C9: variants seen among roughly 807,000 people sequenced by gnomAD.
C9 encodes complement component C9.
A neutral mutation model predicts 65.4 loss-of-function variants in C9; 63 were observed. The ratio of observed to expected loss-of-function variants is 0.96; its 90% CI spans 0.79 to 1.19. The LOEUF (loss-of-function observed/expected upper bound fraction) is 1.19, where lower values mean the gene tolerates loss of function less well. C9 is among the 50% of genes most tolerant of loss of function. The pLI is 0.00. For synonymous variants in C9, 229 were observed against 227.9 expected (o/e 1.00, Z -0.04); for missense variants, 744 against 670.1 (o/e 1.11, Z -1.22).
chr5:39,341,935 C>A (rs761154810), intron 2 of C9, among the ~76,000 whole-genome samples, 156 bp downstream of exon 2: 2 of 152,274 alleles, frequency 1.3e-5, no homozygotes, highest in African/African-American at 2.4e-5. Context: ...TAAAGATTTC[C>A]TGGAAAAGTT....
intron 1 of C9, among the ~76,000 whole-genome samples, chr5:39,348,251 A>C (rs1268559778): frequency 6.6e-6 from 1 of 152,188 alleles, no homozygotes; most frequent in Non-Finnish European, 1.5e-5. Flanking sequence ...GAATGGGAGA[A>C]AATTTTTGCA....
At chr5:39,303,775 G>A (rs1331569497) in intron 9 of C9, among the ~76,000 whole-genome samples, 2 of 151,904 alleles carry the variant, frequency 1.3e-5, no homozygotes, top group Non-Finnish European at 1.5e-5. Flanking sequence ...GCTTTCTCTG[G>A]TTCTGCTTGT....
intron 1 of C9, among the ~76,000 whole-genome samples, chr5:39,356,555 AT>A (rs1252438838): frequency 2.0e-5 from 3 of 152,266 alleles, no homozygotes; most frequent in African/African-American, 7.2e-5. Flanking sequence ...ATGATGTCAA[AT>A]TAGGCAAAAA....
chr5:39,300,558 T>TA (rs1291179469), intron 9 of C9, among the ~76,000 whole-genome samples: 7 of 152,016 alleles, frequency 4.6e-5, no homozygotes, highest in African/African-American at 1.7e-4. Context: ...GAATGTGTGC[T>TA]ATGTGCATAC....
intron 10 of C9, among the ~76,000 whole-genome samples, chr5:39,285,882 A>T (rs1752983096): frequency 1.3e-5 from 2 of 151,916 alleles, no homozygotes; most frequent in South Asian, 4.1e-4. Flanking sequence ...AAGAAAGATG[A>T]TGTGTTACGG....
chr5:39,317,761 C>T (rs700205), intron 5 of C9, among the ~76,000 whole-genome samples: 2,776 of 152,118 alleles, frequency 0.018, 95 homozygotes, highest in African/African-American at 0.064. Context: ...TACTATAGTT[C>T]GAAGTCAGGC....
At chr5:39,295,846 A>G (rs1753176904) in intron 9 of C9, among the ~76,000 whole-genome samples, 1 of 151,828 alleles carries the variant, frequency 6.6e-6, no homozygotes, top group Non-Finnish European at 1.5e-5. Flanking sequence ...ACATAAGCAA[A>G]TGGAACAGAA....
intron 1 of C9, among the ~76,000 whole-genome samples, chr5:39,360,092 T>TCTATA (rs1754488073): frequency 6.6e-6 from 1 of 152,194 alleles, no homozygotes; most frequent in Non-Finnish European, 1.5e-5. Context: ...ACTTTTCTAT[T>TCTATA]AATGAATGTT....
chr5:39,348,786 G>C (rs541117652), intron 1 of C9, among the ~76,000 whole-genome samples: 1 of 152,252 alleles, frequency 6.6e-6, no homozygotes, highest in South Asian at 2.1e-4. Flanking sequence ...GTCCATCAAT[G>C]ATAGACTGGA....
intron 9 of C9, among the ~76,000 whole-genome samples, chr5:39,306,225 T>C (rs536083586): frequency 6.6e-6 from 1 of 150,398 alleles, no homozygotes; most frequent in African/African-American, 2.4e-5. Context: ...GACGTGATAG[T>C]GGAACACCAC....
intron 4 of C9, among the ~76,000 whole-genome samples, chr5:39,335,306 G>C (rs893401687): frequency 2.6e-5 from 4 of 152,168 alleles, no homozygotes; most frequent in Non-Finnish European, 5.9e-5. Context: ...TATTAAGACA[G>C]TTTATATTCA....
intron 3 of C9, 117 bp downstream of exon 3, chr5:39,341,439 T>C (rs1754080383): frequency 6.9e-7 from 1 of 1,439,474 alleles, no homozygotes; most frequent in Admixed American, 1.7e-5. Flanking sequence ...AGATGGCCTC[T>C]TTTGGGGCCT....
At chr5:39,359,102 G>GTGTGTGTGTGTATATATATATA (rs1407613505) in intron 1 of C9, among the ~76,000 whole-genome samples, 4 of 103,664 alleles carry the variant, frequency 3.9e-5, no homozygotes, top group South Asian at 6.2e-4. Context: ...GTGTGTGTGT[G>GTGTGTGTGTGTATATATATATA]TATATATATA....
chr5:39,308,371 T>A lies in C9; in HGVS notation c.1112-13A>T. 6.3e-7 allele frequency: 1 copy of A among 1,577,400 alleles called. No individual in the cohort carries two copies. Among genetic ancestry groups the A allele is most frequent in the Non-Finnish European group, 8.7e-7 (1 of 1,146,734 alleles). On this transcript the variant is annotated splice_polypyrimidine_tract_variant and intron_variant, in intron 7 of 10. Coordinates refer to ENST00000263408, the MANE Select transcript of C9 (RefSeq NM_001737.5). ...TTTAGTTCAACACCTGTTTAATGAA[T>A]TTATTTGAAAATTATTAGATAATGT...
At chr5:39,311,019 A>G in intron 7 of C9, 118 bp downstream of exon 7, 3 of 1,137,688 alleles carry the variant, frequency 2.6e-6, no homozygotes. Flanking sequence ...AGTCCTCTCA[A>G]AGGAGCAGGT....
At chr5:39,339,866 A>G (rs949508947) in intron 4 of C9, among the ~76,000 whole-genome samples, 3 of 151,720 alleles carry the variant, frequency 2.0e-5, no homozygotes, top group Admixed American at 6.6e-5. Context: ...TCACCGTGTT[A>G]GCCAGGATGG....
chr5:39,319,469 T>G (rs695990), intron 5 of C9, among the ~76,000 whole-genome samples: 2,813 of 152,008 alleles, frequency 0.019, 95 homozygotes, highest in African/African-American at 0.065. Flanking sequence ...AGCCCTAGAC[T>G]CAGGATTTTA....
At chr5:39,311,694 T>C (rs765762018) in intron 6 of C9, among the ~76,000 whole-genome samples, 50 of 152,166 alleles carry the variant, frequency 3.3e-4, no homozygotes, top group Non-Finnish European at 1.8e-4. Flanking sequence ...CATATTTACC[T>C]AATAAAAATT....
Position 39,326,815 on chromosome 5 carries a change from G to C in C9, c.615+4861C>G, listed in dbSNP as rs150759286. The stretch of plus-strand genomic sequence containing the variant: ...GCTTAAGTTGTCAGTAGAAAGAATA[G>C]TTGGAATGTGTATTAAGCCTCTGCT... On this transcript the variant is annotated intron_variant, in intron 5 of 10. Coordinates refer to ENST00000263408, the MANE Select transcript of C9 (RefSeq NM_001737.5). Among the ~76,000 whole-genome samples, 975 of 152,296 alleles carry C rather than the reference G, an allele frequency of 6.4e-3. 8 individuals carry two copies. The highest frequency in any genetic ancestry group is 0.022 in the African/African-American group (917 of 41,564).
Sources: allele counts gnomAD v4.1 joint callset (sites outside exome capture counted in the v4.1 genomes callset), GRCh38; gene constraint gnomAD v4.1.1; transcripts MANE v1.5; gene names NCBI Gene and HGNC (gene_info 2026-07-23, HGNC 2026-07-21).